Variants in SNTA1 observed in about 807,000 individuals in gnomAD.
SNTA1 encodes the protein alpha-1-syntrophin.
SNTA1 carries 31 observed loss-of-function variants against 47.1 expected under a neutral mutation model. That is an observed-to-expected ratio of 0.66 (90% CI 0.49 to 0.89). SNTA1 has a LOEUF of 0.89. SNTA1 is among the 40% of genes least tolerant of loss of function. The probability of loss-of-function intolerance (pLI) is 0.00; values close to 1 mark genes in which losing one functional copy is unlikely to be tolerated. For synonymous variants in SNTA1, 300 were observed against 313.6 expected (o/e 0.96, Z 0.46); for missense variants, 575 against 693.0 (o/e 0.83, Z 1.91).
chr20:33,439,539 T>C (rs1990529801), intron 1 of SNTA1, among the ~76,000 whole-genome samples: 1 of 152,210 alleles, frequency 6.6e-6, no homozygotes, highest in African/African-American at 2.4e-5. Flanking sequence ...CATAATGCTA[T>C]AGTTTGATCC....
rs368737149 is a variant in SNTA1 at position 33,412,596 on chromosome 20, C to G, written c.888G>C (p.Gln296His). Residue 296 changes from glutamine (Q) to histidine (H), a missense_variant, in exon 4 of 8, where the codon CAG becomes CAC. Gln to His is a conservative substitution (Grantham distance 24). Coordinates refer to ENST00000217381, the MANE Select transcript of SNTA1 (RefSeq NM_003098.3). ...TSTAGSQDIK[Q>H]IGWLTEQLPS... is the part of the protein sequence containing the mutation. ...GTACCTGCTCAGTTAGCCAGCCAAT[C>G]TGCTTGATGTCCTGGCTCCCAGCTG... 3.7e-6 allele frequency: 6 copies of G among 1,613,612 alleles called. No individual in the cohort carries two copies. The highest frequency in any genetic ancestry group is 5.1e-6 in the Non-Finnish European group (6 of 1,180,024).
intron 2 of SNTA1, among the ~76,000 whole-genome samples, chr20:33,433,455 C>T (rs1389662773): frequency 2.0e-5 from 3 of 150,510 alleles, no homozygotes; most frequent in Non-Finnish European, 4.4e-5. Context: ...TTAGTAGAGA[C>T]GGGGTTTCAC....
chr20:33,418,983 G>A (rs1001925936), intron 2 of SNTA1, among the ~76,000 whole-genome samples: 2 of 150,844 alleles, frequency 1.3e-5, no homozygotes, highest in African/African-American at 4.9e-5. Context: ...GCAGGGTGGT[G>A]CATGCCTGTA....
intron 2 of SNTA1, among the ~76,000 whole-genome samples, chr20:33,429,747 G>A (rs1161652338): frequency 6.6e-6 from 1 of 152,124 alleles, no homozygotes; most frequent in African/African-American, 2.4e-5. Context: ...TGAAAGTGCT[G>A]GAATTATAGG....
At chr20:33,441,923 C>T (rs1349926599) in intron 1 of SNTA1, among the ~76,000 whole-genome samples, 1 of 152,088 alleles carries the variant, frequency 6.6e-6, no homozygotes, top group Non-Finnish European at 1.5e-5. Flanking sequence ...TGCCCATACC[C>T]TCATTTTCTC....
chr20:33,429,094 C>T (rs1408759166), intron 2 of SNTA1, among the ~76,000 whole-genome samples: 1 of 151,538 alleles, frequency 6.6e-6, no homozygotes, highest in East Asian at 1.9e-4. Flanking sequence ...GCCTGTAATC[C>T]CAGGACTTTG....
At chr20:33,434,080 C>T (rs1422711150) in intron 2 of SNTA1, among the ~76,000 whole-genome samples, 2 of 152,146 alleles carry the variant, frequency 1.3e-5, no homozygotes, top group African/African-American at 4.8e-5. Flanking sequence ...CCCTTGGAGG[C>T]GTCCTCAGTA....
Position 33,443,716 on chromosome 20 carries a change from C to G in SNTA1, c.-96G>C, listed in dbSNP as rs145471317. The G allele has an allele frequency of 2.5e-6, 2 of 787,128 alleles. No homozygotes were observed. Among genetic ancestry groups the G allele is most frequent in the Non-Finnish European group, 3.2e-6 (2 of 617,598 alleles). The allele number at this position is 787,128 out of a possible 1,614,324, so 48.8% of individuals were successfully genotyped here. A position where few individuals can be genotyped will look rare whatever the true frequency, so the allele number is the denominator to read the frequency against. On this transcript the variant is annotated 5_prime_UTR_variant, in exon 1 of 8. Coordinates refer to ENST00000217381, the MANE Select transcript of SNTA1 (RefSeq NM_003098.3). Reference sequence around the variant, plus strand: ...CCCAGGGCAGAGGGCAGCGGGGGCCCGGCTGGGCCAGCCGCCACCCTACCC... The same window carrying G: ...CCCAGGGCAGAGGGCAGCGGGGGCCGGGCTGGGCCAGCCGCCACCCTACCC...
chr20:33,417,734 T>C lies in SNTA1; in HGVS notation c.686A>G (p.Asn229Ser), dbSNP rs1064796525. The change falls in exon 3 of 8, where the codon AAT (asparagine) becomes AGT (serine). Residue 229 changes from asparagine to serine, a missense_variant. By Grantham distance (46) the Asn-to-Ser change is conservative. Transcript: ENST00000217381. ...CCAGCCTTACCTGGGCTCCGGGTCA[T>C]TGGGGGTGCACCTCTTCGAGACATA... Reference protein sequence around the residue: ...MAYVSKRCTPNDPEPRYLEIC... With the variant: ...MAYVSKRCTPSDPEPRYLEIC... 6 of 1,613,228 alleles carry C rather than the reference T, an allele frequency of 3.7e-6. No individual in the cohort carries two copies. Among genetic ancestry groups the C allele is most frequent in the Non-Finnish European group, 5.1e-6 (6 of 1,179,232 alleles).
At chr20:33,429,955 CAG>C (rs1382393142) in intron 2 of SNTA1, among the ~76,000 whole-genome samples, 1 of 152,054 alleles carries the variant, frequency 6.6e-6, no homozygotes, top group Non-Finnish European at 1.5e-5. Flanking sequence ...TTTGGAGAGA[CAG>C]GGTTTCGCTA....
At chr20:33,414,580 C>T (rs555650691) in intron 3 of SNTA1, among the ~76,000 whole-genome samples, 4 of 152,202 alleles carry the variant, frequency 2.6e-5, no homozygotes, top group Admixed American at 6.5e-5. Context: ...GGTGACAGAG[C>T]GAGATCCCCC....
chr20:33,409,015 T>C (rs1264420398), intron 6 of SNTA1, 127 bp from the exon 7 acceptor site: 2 of 829,110 alleles, frequency 2.4e-6, no homozygotes, highest in East Asian at 2.6e-5. Context: ...TCACTGTTTG[T>C]CGTGGCACCA....
At chr20:33,419,035 A>C (rs1989956326) in intron 2 of SNTA1, among the ~76,000 whole-genome samples, 2 of 151,978 alleles carry the variant, frequency 1.3e-5, no homozygotes. Context: ...AATCACTTGA[A>C]CATGGGAAGC....
intron 1 of SNTA1, among the ~76,000 whole-genome samples, chr20:33,441,211 G>T: frequency 6.6e-6 from 1 of 152,130 alleles, no homozygotes; most frequent in East Asian, 1.9e-4. Flanking sequence ...TCCTATTAGG[G>T]AAACTGAAGT....
chr20:33,414,643 T>G (rs1246300778), intron 3 of SNTA1, among the ~76,000 whole-genome samples: 1 of 152,026 alleles, frequency 6.6e-6, no homozygotes, highest in East Asian at 1.9e-4. Context: ...AATTTTAGGG[T>G]TGGTTTGTGA....
rs867039826 is a variant in SNTA1 at position 33,443,311 on chromosome 20, C to A, written c.310G>T (p.Gly104Cys). ...CGCGCCCTCGGTGTCCCGCGCCCAC[C>A]TTTGATGCTGATGCCCAGCCCACCG... ...DAGGLGISIK[G>C]GRENKMPILI... The change falls in exon 1 of 8, where the codon GGC (glycine) becomes TGC (cysteine). Residue 104 changes from glycine to cysteine, a missense_variant and splice_region_variant. Transcript: ENST00000217381. 6.6e-7 allele frequency: 1 copy of A among 1,510,712 alleles called. No homozygotes were observed. The highest frequency in any genetic ancestry group is 1.2e-5 in the South Asian group (1 of 81,644). The allele number at this position is 1,510,712 out of a possible 1,614,324, so 93.6% of individuals were successfully genotyped here.
At chr20:33,416,135 G>A (rs1187935682) in intron 3 of SNTA1, among the ~76,000 whole-genome samples, 1 of 152,140 alleles carries the variant, frequency 6.6e-6, no homozygotes, top group Non-Finnish European at 1.5e-5. Flanking sequence ...CTCTTTTTTA[G>A]AGCATCGGCA....
chr20:33,410,320 G>C lies in SNTA1; in HGVS notation c.1052C>G (p.Ser351Ter). ...APLIATRLVH[S>*]GPSKGSVPYD... ...GGGCACTGAGCCCTTGGAGGGGCCTGAGTGCACCAGTCTGGGGGTTGGGGG... is the reference window on the plus strand; with the variant it reads ...GGGCACTGAGCCCTTGGAGGGGCCTCAGTGCACCAGTCTGGGGGTTGGGGG... The change falls in exon 6 of 8, where the codon TCA becomes TGA. Residue 351 changes from serine to a stop codon, truncating the protein, a stop_gained. Transcript: ENST00000217381. LOFTEE classifies it high-confidence loss of function. 6.2e-7 allele frequency: 1 copy of C among 1,603,870 alleles called. No individual in the cohort carries two copies. Among genetic ancestry groups the C allele is most frequent in the Non-Finnish European group, 8.5e-7 (1 of 1,175,560 alleles).
chr20:33,443,160 G>GC (rs1449631171), intron 1 of SNTA1, 151 bp downstream of exon 1: 1 of 485,716 alleles, frequency 2.1e-6, no homozygotes, highest in African/African-American at 2.1e-5. Context: ...ACCTTGGTGT[G>GC]CCCAGTGCCC....
Sources: allele counts gnomAD v4.1 joint callset (sites outside exome capture counted in the v4.1 genomes callset), GRCh38; gene constraint gnomAD v4.1.1; transcripts MANE v1.5; gene names NCBI Gene and HGNC (gene_info 2026-07-23, HGNC 2026-07-21).